The following NAALADL2 variants were observed in gnomAD, a reference collection of about 807,000 sequenced individuals.
NAALADL2 encodes the protein inactive N-acetylated-alpha-linked acidic dipeptidase-like protein 2.
NAALADL2 carries 76 observed loss-of-function variants against 87.2 expected under a neutral mutation model. The observed-to-expected ratio is 0.87, with a 90% CI of 0.72 to 1.05. The LOEUF (loss-of-function observed/expected upper bound fraction) is 1.05. Among genes scored for constraint, NAALADL2 ranks in the 50% least tolerant of loss-of-function variants. The probability of loss-of-function intolerance (pLI) is 0.00; values close to 1 mark genes in which losing one functional copy is unlikely to be tolerated. For synonymous variants in NAALADL2, 354 were observed against 331.0 expected, an observed-to-expected ratio of 1.07 and a Z score of -0.75; for missense variants, 1,089 against 945.8, an observed-to-expected ratio of 1.15 and a Z score of -1.99.
At chr3:174,871,110 G>T (rs916540368) in intron 1 of NAALADL2, among the ~76,000 whole-genome samples, 1 of 152,116 alleles carries the variant, frequency 6.6e-6, no homozygotes, top group Admixed American at 6.5e-5. Flanking sequence ...AGTTTTAGGT[G>T]ACCAAAAACT....
chr3:175,668,509 G>T (rs970827370), intron 11 of NAALADL2, among the ~76,000 whole-genome samples: 1 of 151,914 alleles, frequency 6.6e-6, no homozygotes, highest in Admixed American at 6.6e-5. Flanking sequence ...TCTTGTGTAG[G>T]TGACCACAGA....
intron 13 of NAALADL2, among the ~76,000 whole-genome samples, chr3:175,764,328 C>A (rs1426139849): frequency 6.6e-6 from 1 of 151,880 alleles, no homozygotes. Flanking sequence ...CAAACAATGG[C>A]ATAATCAGGA....
intron 11 of NAALADL2, among the ~76,000 whole-genome samples, chr3:175,716,094 T>A (rs562146994): frequency 2.2e-4 from 32 of 148,174 alleles, no homozygotes; most frequent in African/African-American, 7.9e-4. Flanking sequence ...ATATATCATA[T>A]GTAATATTAT....
At chr3:174,827,200 C>T (rs910111933) in intron 3 of NAALADL2, among the ~76,000 whole-genome samples, 10 of 152,000 alleles carry the variant, frequency 6.6e-5, no homozygotes, top group Non-Finnish European at 7.4e-5. Context: ...ATTTCAGTTC[C>T]GTAATTAGTA....
chr3:174,827,355 G>A lies in NAALADL2; in HGVS notation c.-9+89609G>A, dbSNP rs535467342. On this transcript the variant is annotated intron_variant, in intron 3 of 3. Coordinates refer to the NAALADL2 transcript ENST00000434257. Reference sequence around the variant, plus strand: ...AGTGCGTTAAGGTCTAGGTGTTGTTGGCAGGACTGTGTTTCTTCCTGAAAG... The same window carrying A: ...AGTGCGTTAAGGTCTAGGTGTTGTTAGCAGGACTGTGTTTCTTCCTGAAAG... Among the ~76,000 whole-genome samples the A allele has an allele frequency of 7.9e-5, 12 of 152,208 alleles. No homozygotes were observed. In the South Asian group the frequency reaches 2.3e-3, roughly 29 times the overall value.
intron 4 of NAALADL2, among the ~76,000 whole-genome samples, chr3:175,319,707 C>A (rs1759596262): frequency 6.6e-6 from 1 of 152,148 alleles, no homozygotes; most frequent in Non-Finnish European, 1.5e-5. Flanking sequence ...GTAATCCCAG[C>A]TACTTGGGAG....
chr3:175,236,836 T>C (rs1745984000), intron 3 of NAALADL2, among the ~76,000 whole-genome samples: 1 of 152,216 alleles, frequency 6.6e-6, no homozygotes. Flanking sequence ...CTAGGCTGAA[T>C]CACAAAAATG....
intron 9 of NAALADL2, among the ~76,000 whole-genome samples, chr3:175,486,174 G>A (rs927919061): frequency 6.6e-6 from 1 of 152,126 alleles, no homozygotes; most frequent in East Asian, 1.9e-4. Flanking sequence ...TTTAAATATT[G>A]CAAAACATAT....
intron 5 of NAALADL2, among the ~76,000 whole-genome samples, chr3:175,419,571 C>T (rs1244338550): frequency 6.6e-6 from 1 of 151,900 alleles, no homozygotes; most frequent in Non-Finnish European, 1.5e-5. Context: ...CATTAGGTAA[C>T]ATTCATTTTA....
chr3:175,298,026 A>G (rs1581307086), intron 4 of NAALADL2, among the ~76,000 whole-genome samples: 1 of 152,282 alleles, frequency 6.6e-6, no homozygotes, highest in African/African-American at 2.4e-5. Context: ...CTTGGCATAT[A>G]GGGATCCCAT....
chr3:174,726,653 C>A (rs1402219469), intron 2 of NAALADL2, among the ~76,000 whole-genome samples: 1 of 152,046 alleles, frequency 6.6e-6, no homozygotes. Context: ...CTCTGAGCTT[C>A]TGTGACACCG....
chr3:175,384,602 T>A (rs1369863800), intron 5 of NAALADL2, among the ~76,000 whole-genome samples: 1 of 151,938 alleles, frequency 6.6e-6, no homozygotes, highest in Non-Finnish European at 1.5e-5. Flanking sequence ...ATGCACCTCC[T>A]TTCAAATAAG....
intron 2 of NAALADL2, among the ~76,000 whole-genome samples, chr3:174,642,510 A>T (rs1395034366): frequency 1.2e-4 from 5 of 41,426 alleles, no homozygotes; most frequent in East Asian, 1.7e-3. Flanking sequence ...CTGGGGATAA[A>T]AAAAAAAAAA....
chr3:174,691,569 C>T (rs1386830049), intron 2 of NAALADL2, among the ~76,000 whole-genome samples: 1 of 152,058 alleles, frequency 6.6e-6, no homozygotes, highest in East Asian at 1.9e-4. Flanking sequence ...TTGCTGAAGG[C>T]TGGGGTGACT....
At chr3:175,490,907 T>A (rs1560640817) in intron 9 of NAALADL2, among the ~76,000 whole-genome samples, 1 of 152,166 alleles carries the variant, frequency 6.6e-6, no homozygotes, top group Non-Finnish European at 1.5e-5. Context: ...AAACCAAGAC[T>A]ATGCACTTGA....
At chr3:174,560,059 T>G (rs1056330002) in intron 2 of NAALADL2, among the ~76,000 whole-genome samples, 4 of 152,242 alleles carry the variant, frequency 2.6e-5, no homozygotes, top group Admixed American at 2.0e-4. Context: ...TATCTAGTTA[T>G]TAGAATTTTA....
rs1477789903 is a variant in NAALADL2, at chr3:175,258,243, A to G, written c.939+1713A>G. Among the ~76,000 whole-genome samples the G allele has an allele frequency of 3.4e-5, 5 of 149,088 alleles. No individual in the cohort carries two copies. The South Asian group carries it at 6.3e-4, about 19-fold the overall frequency. On this transcript the variant is annotated intron_variant, in intron 4 of 13. Transcript: ENST00000454872. Reference sequence around the variant, plus strand: ...GAATCGCTTGAACCCGGGAGGCAGAACTTGCAATGAGCCGAGATCACGCCA... The same window carrying G: ...GAATCGCTTGAACCCGGGAGGCAGAGCTTGCAATGAGCCGAGATCACGCCA...
chr3:175,165,163 G>A (rs771364688), intron 2 of NAALADL2, among the ~76,000 whole-genome samples: 18 of 152,060 alleles, frequency 1.2e-4, no homozygotes, highest in Non-Finnish European at 2.1e-4. Flanking sequence ...CACCCAAGCC[G>A]AAACAGATAA....
intron 1 of NAALADL2, among the ~76,000 whole-genome samples, chr3:174,971,162 C>G (rs757113333): frequency 3.3e-5 from 5 of 152,216 alleles, no homozygotes; most frequent in Admixed American, 2.6e-4. Flanking sequence ...CCCCATAATT[C>G]AATTACCTCC....
Sources: allele counts gnomAD v4.1 joint callset (sites outside exome capture counted in the v4.1 genomes callset), GRCh38; gene constraint gnomAD v4.1.1; transcripts MANE v1.5; gene names NCBI Gene and HGNC (gene_info 2026-07-23, HGNC 2026-07-21).